CCDC146: variants seen among roughly 807,000 people sequenced by gnomAD.
CCDC146 encodes coiled-coil domain containing 146, also known as coiled-coil domain-containing protein 146.
Under a neutral mutation model 119.3 loss-of-function variants are expected in CCDC146, and 92 were observed. That is an observed-to-expected ratio of 0.77 (90% confidence interval 0.65 to 0.92). The LOEUF is 0.92. CCDC146 is among the 40% of genes least tolerant of loss of function. The pLI is 0.00. For synonymous variants in CCDC146, 372 were observed against 371.8 expected, an observed-to-expected ratio of 1.00 and a Z score of -0.01; for missense variants, 1,000 against 1,103.0, an observed-to-expected ratio of 0.91 and a Z score of 1.32.
chr7:77,148,179 G>A (rs1362373596), intron 1 of CCDC146, among the ~76,000 whole-genome samples: 2 of 152,204 alleles, frequency 1.3e-5, no homozygotes, highest in East Asian at 1.9e-4. Context: ...AGCAATGAGC[G>A]AGGCTCCGTG....
intron 4 of CCDC146, among the ~76,000 whole-genome samples, chr7:77,243,995 A>G (rs965247140): frequency 1.3e-5 from 2 of 152,196 alleles, no homozygotes; most frequent in African/African-American, 4.8e-5. Context: ...TCTCTGCCTC[A>G]GCCTCCTGAG....
chr7:77,143,104 A>G (rs554406482), intron 1 of CCDC146, among the ~76,000 whole-genome samples: 5 of 151,920 alleles, frequency 3.3e-5, no homozygotes, highest in African/African-American at 1.2e-4. Flanking sequence ...AATGATTGCC[A>G]TTCTAACTGG....
chr7:77,287,655 A>G, intron 17 of CCDC146, 78 bp downstream of exon 17: 1 of 1,490,610 alleles, frequency 6.7e-7, no homozygotes, highest in Non-Finnish European at 9.1e-7. Flanking sequence ...CGACAGATTT[A>G]TTGAGAGAAG....
chr7:77,196,227 G>C lies in CCDC146; in HGVS notation c.156+28403G>C. The C allele has an allele frequency of 6.1e-6, 8 of 1,315,442 alleles. No individual in the cohort carries two copies. Among genetic ancestry groups the C allele is most frequent in the Non-Finnish European group, 8.5e-6 (8 of 941,096 alleles). The allele number at this position is 1,315,442 out of a possible 1,614,324, so 81.5% of individuals were successfully genotyped here. On this transcript the variant is annotated intron_variant, in intron 2 of 18. Transcript: ENST00000285871. The surrounding 1 kb of genome is among the most constrained non-coding windows in gnomAD (Gnocchi z 4.2). Reference sequence around the variant, plus strand: ...CAAGGCATATTCTAAAGTGCTGAAGGAATTAATTGCCCTATTAGATAACGA... The same window carrying C: ...CAAGGCATATTCTAAAGTGCTGAAGCAATTAATTGCCCTATTAGATAACGA...
chr7:77,174,844 T>G (rs1183326756), intron 2 of CCDC146, among the ~76,000 whole-genome samples: 1 of 152,216 alleles, frequency 6.6e-6, no homozygotes, highest in Non-Finnish European at 1.5e-5. Flanking sequence ...ATGCATGCCT[T>G]GTACTTAAGA....
intron 1 of CCDC146, among the ~76,000 whole-genome samples, chr7:77,160,604 T>C (rs976640022): frequency 2.6e-5 from 4 of 152,192 alleles, no homozygotes; most frequent in African/African-American, 9.7e-5. Flanking sequence ...GCTTGTGATT[T>C]TTGCACATTG....
chr7:77,265,911 G>A (rs909226310), intron 9 of CCDC146, among the ~76,000 whole-genome samples: 7 of 152,162 alleles, frequency 4.6e-5, no homozygotes, highest in African/African-American at 1.4e-4. Flanking sequence ...ACTTTGCTGG[G>A]GTTAGTCAAA....
chr7:77,259,463 G>T (rs190914224), intron 7 of CCDC146, among the ~76,000 whole-genome samples: 6 of 152,280 alleles, frequency 3.9e-5, no homozygotes, highest in Non-Finnish European at 8.8e-5. Context: ...ACCCATTCAT[G>T]TGTATAACAC....
chr7:77,279,220 T>C (rs1000942194), intron 13 of CCDC146, 119 bp downstream of exon 13: 2 of 878,000 alleles, frequency 2.3e-6, no homozygotes, highest in East Asian at 2.8e-5. Context: ...GCCAAGATGG[T>C]GCCACTGCCC....
Position 77,155,475 on chromosome 7 carries a change from G to A in CCDC146, c.-11-12183G>A, listed in dbSNP as rs967468862. Among the ~76,000 whole-genome samples the A allele has an allele frequency of 8.6e-5, 13 of 151,740 alleles. 1 individual carries two copies. Among genetic ancestry groups the A allele is most frequent in the African/African-American group, 2.2e-4 (9 of 41,086 alleles). On this transcript the variant is annotated intron_variant, in intron 1 of 18. Coordinates refer to ENST00000285871, the MANE Select transcript of CCDC146 (RefSeq NM_020879.3). Reference sequence around the variant, plus strand: ...TGCTTTTGGCTATTGAAGACCAAGAGGAAAGGGCTTTGCTAAGACCACAGA... The same window carrying A: ...TGCTTTTGGCTATTGAAGACCAAGAAGAAAGGGCTTTGCTAAGACCACAGA...
intron 1 of CCDC146, among the ~76,000 whole-genome samples, chr7:77,133,571 C>T (rs1365574927): frequency 2.6e-5 from 4 of 151,484 alleles, no homozygotes; most frequent in Non-Finnish European, 5.9e-5. Flanking sequence ...AGGCTGGTCT[C>T]GAACTCAGGT....
At position 77,199,587 on chromosome 7, in the gene CCDC146, C is replaced by T. The variant is rs369313075; in HGVS notation, c.156+31763C>T. 1.0e-4 allele frequency: 164 copies of T among 1,614,166 alleles called. 1 individual carries two copies. In the South Asian group the frequency reaches 1.4e-3, roughly 14 times the overall value. On this transcript the variant is annotated intron_variant, in intron 2 of 18. Coordinates refer to ENST00000285871, the MANE Select transcript of CCDC146 (RefSeq NM_020879.3). Reference sequence around the variant, plus strand: ...CCTCCTCGATCCTGCTGAATTGCTTCGGGAGCTGAATAGTCAAGGGGGGCA... The same window carrying T: ...CCTCCTCGATCCTGCTGAATTGCTTTGGGAGCTGAATAGTCAAGGGGGGCA...
At chr7:77,222,462 AG>A (rs1792422933) in intron 2 of CCDC146, among the ~76,000 whole-genome samples, 1 of 152,198 alleles carries the variant, frequency 6.6e-6, no homozygotes, top group African/African-American at 2.4e-5. Flanking sequence ...GAAGTCTTGC[AG>A]CCTAGAGCTG....
chr7:77,125,687 A>AG (rs1340598712), intron 1 of CCDC146, among the ~76,000 whole-genome samples: 2 of 152,230 alleles, frequency 1.3e-5, no homozygotes, highest in East Asian at 3.9e-4. Flanking sequence ...GAGAGTTTTC[A>AG]GAAGAAAAGG....
chr7:77,273,593 T>C (rs1320116013), intron 9 of CCDC146, 101 bp from the exon 10 acceptor site: 1 of 696,594 alleles, frequency 1.4e-6, no homozygotes, highest in Non-Finnish European at 2.5e-6. Context: ...CGATCTCAGC[T>C]CACTGCAACT....
At chr7:77,177,903 T>C (rs1470002581) in intron 2 of CCDC146, among the ~76,000 whole-genome samples, 1 of 152,232 alleles carries the variant, frequency 6.6e-6, no homozygotes, top group Non-Finnish European at 1.5e-5. Context: ...ACAGATAGGT[T>C]CTATTGTTCC....
Position 77,256,379 on chromosome 7 carries a change from T to G in CCDC146, c.554T>G (p.Leu185Ter), listed in dbSNP as rs917090877. 22 of 1,601,902 alleles carry G rather than the reference T, an allele frequency of 1.4e-5. No homozygotes were observed. The highest frequency in any genetic ancestry group is 1.9e-5 in the Non-Finnish European group (22 of 1,176,000). ...ATATTGAGAGAAAGCACTGAAGAATTACGTAAAGAAATAATGCAGAAGAAA... is the reference window on the plus strand; with the variant it reads ...ATATTGAGAGAAAGCACTGAAGAATGACGTAAAGAAATAATGCAGAAGAAA... ...MKILRESTEE[L>*]RKEIMQKKLE... The change falls in exon 6 of 19, where the codon TTA becomes TGA. Residue 185 changes from leucine to a stop codon, truncating the protein, a stop_gained. Transcript: ENST00000285871. LOFTEE classifies it high-confidence loss of function.
chr7:77,160,929 C>G (rs1054725479), intron 1 of CCDC146, among the ~76,000 whole-genome samples: 1 of 152,000 alleles, frequency 6.6e-6, no homozygotes, highest in Non-Finnish European at 1.5e-5. Context: ...TGAACTCAAA[C>G]AAATTTACAA....
chr7:77,153,646 T>C (rs1273860468), intron 1 of CCDC146, among the ~76,000 whole-genome samples: 5 of 149,150 alleles, frequency 3.4e-5, no homozygotes, highest in Non-Finnish European at 5.9e-5. Flanking sequence ...TACATTTACA[T>C]GACAATATGA....
Sources: allele counts gnomAD v4.1 joint callset (sites outside exome capture counted in the v4.1 genomes callset), GRCh38; gene constraint gnomAD v4.1.1; non-coding constraint Gnocchi (gnomAD v3.1); transcripts MANE v1.5; gene names NCBI Gene and HGNC (gene_info 2026-07-23, HGNC 2026-07-21).